SEL1L3: variants seen among roughly 807,000 people sequenced by gnomAD.
SEL1L3 encodes SEL1L family member 3, also known as protein sel-1 homolog 3.
In SEL1L3, 76 loss-of-function variants were observed where a neutral mutation model predicts 142.8. The observed-to-expected ratio is 0.53, with a 90% CI of 0.44 to 0.64. The LOEUF (loss-of-function observed/expected upper bound fraction) is 0.64. SEL1L3 is among the 30% of genes least tolerant of loss of function. The probability of loss-of-function intolerance (pLI) is 0.00; values close to 1 mark genes in which losing one functional copy is unlikely to be tolerated. For synonymous variants in SEL1L3, 504 were observed against 519.6 expected (o/e 0.97, Z 0.41); for missense variants, 1,262 against 1,381.7 (o/e 0.91, Z 1.37).
chr4:25,853,381 T>C (rs774383990), intron 1 of SEL1L3, among the ~76,000 whole-genome samples: 2 of 152,226 alleles, frequency 1.3e-5, no homozygotes, highest in Non-Finnish European at 2.9e-5. Context: ...TGTTTCAAAG[T>C]CTCAGGTGCA....
the SEL1L3 span, among the ~76,000 whole-genome samples, chr4:25,723,740 CTCACAG>C: frequency 6.6e-6 from 1 of 152,122 alleles, no homozygotes; most frequent in Non-Finnish European, 1.5e-5. Flanking sequence ...GCTGCTGGTC[CTCACAG>C]CTCTGCCAGG....
chr4:25,721,015 G>A, the SEL1L3 span: 1 of 152,106 alleles, frequency 6.6e-6, no homozygotes, highest in Non-Finnish European at 1.5e-5. Flanking sequence ...CATCAAAAAA[G>A]AATACTTCTG....
chr4:25,792,448 G>A (rs752914892), intron 11 of SEL1L3, among the ~76,000 whole-genome samples: 4 of 152,222 alleles, frequency 2.6e-5, no homozygotes, highest in African/African-American at 7.2e-5. Context: ...TCTGGTCCAC[G>A]CTTGGCCAAG....
chr4:25,833,327 C>G (rs1715565022), intron 4 of SEL1L3, 121 bp downstream of exon 4: 1 of 948,218 alleles, frequency 1.1e-6, no homozygotes, highest in African/African-American at 1.7e-5. Context: ...ATTTGGAAGT[C>G]ATTGCTCTTG....
chr4:25,833,407 A>G, intron 4 of SEL1L3, 41 bp downstream of exon 4: 1 of 1,584,422 alleles, frequency 6.3e-7, no homozygotes, highest in Non-Finnish European at 8.6e-7. Flanking sequence ...AGAGCATTAC[A>G]AAATTACAAT....
intron 11 of SEL1L3, among the ~76,000 whole-genome samples, chr4:25,795,133 T>C (rs1712632699): frequency 6.6e-6 from 1 of 151,970 alleles, no homozygotes. Flanking sequence ...AGTTGATAGG[T>C]GCAGCAAACC....
intron 8 of SEL1L3, among the ~76,000 whole-genome samples, chr4:25,818,962 C>T (rs1014555143): frequency 6.6e-6 from 1 of 152,194 alleles, no homozygotes; most frequent in Non-Finnish European, 1.5e-5. Context: ...TGAGATGCAT[C>T]CCTCCCTCCA....
At chr4:25,767,054 G>A (rs1718793371) in intron 19 of SEL1L3, among the ~76,000 whole-genome samples, 1 of 152,220 alleles carries the variant, frequency 6.6e-6, no homozygotes, top group Admixed American at 6.5e-5. Context: ...CACTTTGGGA[G>A]GCCAAGGCAG....
At chr4:25,779,839 GCTTGGTTCAAATCC>G (rs1470035879) in intron 15 of SEL1L3, among the ~76,000 whole-genome samples, 1 of 152,130 alleles carries the variant, frequency 6.6e-6, no homozygotes, top group Non-Finnish European at 1.5e-5. Flanking sequence ...AGTTAGGCAG[GCTTGGTTCAAATCC>G]CAACTCTGCT....
At position 25,788,216 on chromosome 4, in the gene SEL1L3, A is replaced by C. The variant is rs1320078021; in HGVS notation, c.2217+8T>G. 1 of 1,612,980 alleles carries C rather than the reference A, an allele frequency of 6.2e-7. No individual in the cohort carries two copies. The highest frequency in any genetic ancestry group is 1.3e-5 in the African/African-American group (1 of 75,048). ...GCACAATTTCAGCACGAATTAAGTG[A>C]TTCTTACCTTGAATAGCACAATGGC... On this transcript the variant is annotated splice_region_variant and intron_variant, in intron 13 of 23. Coordinates refer to ENST00000399878, the MANE Select transcript of SEL1L3 (RefSeq NM_015187.5). The surrounding 1 kb of genome is among the most constrained non-coding windows in gnomAD (Gnocchi z 5.3).
In SEL1L3 at chr4:25,748,145, A is replaced by G. The variant is rs928001061; in HGVS notation, c.*280T>C. 1.4e-5 allele frequency: 6 copies of G among 421,836 alleles called. No individual in the cohort carries two copies. The highest frequency in any genetic ancestry group is 2.6e-5 in the Non-Finnish European group (6 of 230,834). The allele number at this position is 421,836 out of a possible 1,614,324, so 26.1% of individuals were successfully genotyped here. On this transcript the variant is annotated 3_prime_UTR_variant, in exon 24 of 24. Coordinates refer to ENST00000399878, the MANE Select transcript of SEL1L3 (RefSeq NM_015187.5). ...GCATGCTATGACTCCTAATACATAC[A>G]ATCACTAGAACAAAAGTCTGTGATG...
chr4:25,801,384 CAG>C (rs1349709174), intron 11 of SEL1L3, among the ~76,000 whole-genome samples: 3 of 152,330 alleles, frequency 2.0e-5, no homozygotes, highest in African/African-American at 2.4e-5. Flanking sequence ...GCCTGGTGGA[CAG>C]AGTGAGACTC....
At chr4:25,779,479 C>G (rs1346629018) in intron 15 of SEL1L3, among the ~76,000 whole-genome samples, 1 of 152,226 alleles carries the variant, frequency 6.6e-6, no homozygotes, top group Non-Finnish European at 1.5e-5. Context: ...TTGATCCTCA[C>G]ATAACCCCCT....
At chr4:25,825,666 AT>A (rs33997941) in intron 6 of SEL1L3, among the ~76,000 whole-genome samples, 4,046 of 73,892 alleles carry the variant, frequency 0.055, 101 homozygotes, top group African/African-American at 0.19. Context: ...TCTAAATTCT[AT>A]TTTTTTTTTT....
intron 1 of SEL1L3, among the ~76,000 whole-genome samples, chr4:25,857,384 C>T (rs1323916975): frequency 6.6e-6 from 1 of 152,166 alleles, no homozygotes; most frequent in Non-Finnish European, 1.5e-5. Flanking sequence ...GCTGTTTCTT[C>T]CCAACTTACA....
chr4:25,792,241 C>T (rs1414130651), intron 11 of SEL1L3, among the ~76,000 whole-genome samples: 2 of 152,006 alleles, frequency 1.3e-5, no homozygotes, highest in Non-Finnish European at 2.9e-5. Context: ...AACAAAGCTT[C>T]GATCCAGGTA....
intron 20 of SEL1L3, among the ~76,000 whole-genome samples, chr4:25,764,861 G>T (rs962953541): frequency 6.6e-6 from 1 of 152,214 alleles, no homozygotes; most frequent in Non-Finnish European, 1.5e-5. Context: ...CTTATTGTTA[G>T]TGTCCTCATA....
At chr4:25,849,219 G>T (rs1238176832) in intron 1 of SEL1L3, among the ~76,000 whole-genome samples, 2 of 152,178 alleles carry the variant, frequency 1.3e-5, no homozygotes. Context: ...AGGACTTGAA[G>T]AGATGTTTGT....
At chr4:25,859,423 A>G (rs1333372385) in intron 1 of SEL1L3, among the ~76,000 whole-genome samples, 1 of 152,184 alleles carries the variant, frequency 6.6e-6, no homozygotes, top group African/African-American at 2.4e-5. Flanking sequence ...CTTTGGCAGT[A>G]TCCTAGCTAC....
Sources: gnomAD v4.1 joint callset for allele counts (sites outside exome capture counted in the v4.1 genomes callset) on GRCh38, gnomAD v4.1.1 for gene constraint, Gnocchi (gnomAD v3.1) non-coding constraint, MANE v1.5 for transcripts, NCBI Gene and HGNC (gene_info 2026-07-23, HGNC 2026-07-21) for gene names.